Variants in LRP2 observed in about 807,000 individuals in gnomAD.
LRP2 encodes low-density lipoprotein receptor-related protein 2.
Under a neutral mutation model 531.0 loss-of-function variants are expected in LRP2, and 172 were observed. That is an observed-to-expected ratio of 0.32 (90% confidence interval 0.29 to 0.37). The LOEUF is 0.37. LRP2 is among the 10% of genes least tolerant of loss of function. The pLI is 1.00. For missense variants in LRP2, 5,167 were observed against 5,868.3 expected, an observed-to-expected ratio of 0.88 and a Z score of 3.90; for synonymous variants, 1,992 against 2,027.6, an observed-to-expected ratio of 0.98 and a Z score of 0.47.
At chr2:169,312,005 A>C (rs1180047890) in intron 3 of LRP2, among the ~76,000 whole-genome samples, 2 of 152,120 alleles carry the variant, frequency 1.3e-5, no homozygotes, top group Non-Finnish European at 2.9e-5. Context: ...CTGTTTTATC[A>C]GAGACTAGGA....
chr2:169,305,371 T>C (rs1684387988), intron 4 of LRP2, among the ~76,000 whole-genome samples: 1 of 152,214 alleles, frequency 6.6e-6, no homozygotes, highest in African/African-American at 2.4e-5. Flanking sequence ...ATAATCAATG[T>C]ATGTTAGCTC....
Position 169,294,834 on chromosome 2 carries a change from C to T in LRP2, c.428-124G>A, listed in dbSNP as rs78858800. 30,007 of 670,924 alleles carry T rather than the reference C, an allele frequency of 0.045. 830 individuals carry two copies. The highest frequency in any genetic ancestry group is 0.055 in the Non-Finnish European group (21,028 of 382,424). 41.6% of individuals were successfully genotyped at this position (670,924 alleles called of 1,614,324 possible). On this transcript the variant is annotated intron_variant, in intron 4 of 78. Transcript: ENST00000649046. ...AAGTCACTAAATGCATATATTGATA[C>T]ACAAAAGAAGTATGCTCCCTGGCTT...
At chr2:169,206,222 C>T (rs1444083249) in intron 39 of LRP2, 34 bp from the exon 40 acceptor site, 2 of 1,613,924 alleles carry the variant, frequency 1.2e-6, no homozygotes. Flanking sequence ...CACACAAGCA[C>T]ACACAAAGAC....
intron 29 of LRP2, among the ~76,000 whole-genome samples, chr2:169,235,303 A>G (rs929373170): frequency 6.6e-6 from 1 of 150,536 alleles, no homozygotes; most frequent in Non-Finnish European, 1.5e-5. Flanking sequence ...GCAGTGAGGC[A>G]ATCTCAGCTC....
chr2:169,197,093 A>G, intron 45 of LRP2, 63 bp from the exon 46 acceptor site: 1 of 1,591,456 alleles, frequency 6.3e-7, no homozygotes. Flanking sequence ...ATCAGTCTTA[A>G]CAATCTGCCT....
At position 169,273,150 on chromosome 2, in the gene LRP2, A is replaced by G. The variant is rs1043805480; in HGVS notation, c.1976-83T>C. 2.0e-6 allele frequency: 3 copies of G among 1,498,348 alleles called. No homozygotes were observed. The East Asian group carries it at 6.8e-5, about 34-fold the overall frequency. 92.8% of individuals were successfully genotyped at this position (1,498,348 alleles called of 1,614,324 possible). A position where few individuals can be genotyped will look rare whatever the true frequency, so the allele number is the denominator to read the frequency against. ...CATGAAGCCACTTCTAGCCCTTTTC[A>G]CCTATAGGTGAAATAGAGTAATGGA... is the stretch of plus-strand genomic sequence containing the variant. On this transcript the variant is annotated intron_variant, in intron 14 of 78. Coordinates refer to ENST00000649046, the MANE Select transcript of LRP2 (RefSeq NM_004525.3).
chr2:169,277,193 C>CAA (rs5836227), intron 13 of LRP2, among the ~76,000 whole-genome samples: 28 of 88,132 alleles, frequency 3.2e-4, no homozygotes, highest in South Asian at 7.5e-4. Context: ...GACTCCATCT[C>CAA]AAAAAAAAAA....
intron 17 of LRP2, among the ~76,000 whole-genome samples, chr2:169,258,230 T>G (rs955321547): frequency 6.6e-6 from 1 of 152,272 alleles, no homozygotes; most frequent in Admixed American, 6.5e-5. Flanking sequence ...TACTGACTGT[T>G]GCCTAATAGC....
At chr2:169,161,625 C>T (rs377152927) in intron 63 of LRP2, among the ~76,000 whole-genome samples, 24 of 152,198 alleles carry the variant, frequency 1.6e-4, no homozygotes, top group African/African-American at 5.1e-4. Context: ...AGGTGCACAC[C>T]ACTACACCCA....
chr2:169,281,997 G>A (rs1024469520), intron 10 of LRP2, among the ~76,000 whole-genome samples: 18 of 152,172 alleles, frequency 1.2e-4, no homozygotes, highest in East Asian at 7.7e-4. Flanking sequence ...GAATAGTTAT[G>A]GAGGAAGGCA....
chr2:169,178,110 A>C (rs1318056057), intron 52 of LRP2, 84 bp from the exon 53 acceptor site: 1 of 1,004,280 alleles, frequency 1.0e-6, no homozygotes, highest in Non-Finnish European at 1.5e-6. Context: ...TTCACAAATC[A>C]ATAAAATTCT....
intron 14 of LRP2, among the ~76,000 whole-genome samples, chr2:169,274,056 A>G (rs1683490629): frequency 6.6e-6 from 1 of 152,192 alleles, no homozygotes. Flanking sequence ...GCTTTTGTTA[A>G]GTTAACCTCA....
intron 56 of LRP2, 92 bp from the exon 57 acceptor site, chr2:169,173,316 A>C (rs761718463): frequency 1.4e-5 from 21 of 1,505,964 alleles, no homozygotes; most frequent in Non-Finnish European, 1.9e-5. Flanking sequence ...GAGGAATAAC[A>C]ATGACCATGT....
At chr2:169,149,365 C>T (rs1686040508) in intron 68 of LRP2, among the ~76,000 whole-genome samples, 1 of 152,154 alleles carries the variant, frequency 6.6e-6, no homozygotes, top group Non-Finnish European at 1.5e-5. Flanking sequence ...ATCATATATG[C>T]TTATGCTTAT....
chr2:169,177,551 G>GA (rs373013351), intron 53 of LRP2, among the ~76,000 whole-genome samples: 104 of 143,146 alleles, frequency 7.3e-4, no homozygotes, highest in East Asian at 3.2e-3. Context: ...AAAAACAAAG[G>GA]AAAAAAAAAA....
At chr2:169,326,138 CCCTCT>C (rs1685044168) in intron 1 of LRP2, among the ~76,000 whole-genome samples, 1 of 69,594 alleles carries the variant, frequency 1.4e-5, no homozygotes, top group African/African-American at 7.9e-5. Flanking sequence ...CTCTGCCTCT[CCCTCT>C]CCCTCTCCCT....
rs1686373620 is a variant in LRP2, at chr2:169,157,462, C to T, written c.11928G>A (p.Glu3976=). The change falls in exon 64 of 79, where the codon GAG becomes GAA. Residue 3976 remains glutamate, a synonymous_variant. Transcript: ENST00000649046. ...KERTCAENIC[E]QNCTQLNEGG... ...CTTCATTTAATTGGGTACAATTTTG[C>T]TCGCATATATTTTCAGCACATGTTC... The T allele has an allele frequency of 6.2e-7, 1 of 1,613,166 alleles. No homozygotes were observed. The highest frequency in any genetic ancestry group is 1.1e-5 in the South Asian group (1 of 91,058).
chr2:169,335,224 T>C (rs540878030), intron 1 of LRP2, among the ~76,000 whole-genome samples: 1 of 152,360 alleles, frequency 6.6e-6, no homozygotes, highest in African/African-American at 2.4e-5. Context: ...ACGATGAGCA[T>C]TTTTATTATT....
At position 169,155,145 on chromosome 2, in the gene LRP2, T is replaced by C. The variant is rs115203448; in HGVS notation, c.12152-542A>G. Among the ~76,000 whole-genome samples the C allele has an allele frequency of 3.4e-3, 521 of 152,324 alleles. 4 individuals carry two copies. The highest frequency in any genetic ancestry group is 0.012 in the African/African-American group (488 of 41,574). On this transcript the variant is annotated intron_variant, in intron 65 of 78. Coordinates refer to ENST00000649046, the MANE Select transcript of LRP2 (RefSeq NM_004525.3). ...TGTCCTTGATTTAATTTTTTTAACC[T>C]AAAGCAGCTACTTAATGGTGACTCA...
Sources: allele counts gnomAD v4.1 joint callset (sites outside exome capture counted in the v4.1 genomes callset), GRCh38; gene constraint gnomAD v4.1.1; transcripts MANE v1.5; gene names NCBI Gene and HGNC (gene_info 2026-07-23, HGNC 2026-07-21).